Variants in SBNO1 observed in about 807,000 individuals in gnomAD.
SBNO1 encodes the protein strawberry notch homolog 1.
Under a neutral mutation model 173.6 loss-of-function variants are expected in SBNO1, and 23 were observed. The observed-to-expected ratio is 0.13, with a 90% CI of 0.10 to 0.19. The LOEUF is 0.19. SBNO1 is among the 10% of genes least tolerant of loss of function. SBNO1 has a pLI of 1.00. For missense variants in SBNO1, 1,238 were observed against 1,671.2 expected (o/e 0.74, Z 4.52); for synonymous variants, 632 against 571.5 (o/e 1.11, Z -1.51).
At chr12:123,325,445 C>G in intron 15 of SBNO1, 57 bp downstream of exon 15, 1 of 1,243,412 alleles carries the variant, frequency 8.0e-7, no homozygotes, top group Non-Finnish European at 1.2e-6. Flanking sequence ...CACATTGGAA[C>G]TAAGGTAAGG....
chr12:123,291,931 G>T lies in SBNO1; in HGVS notation c.*3977C>A, dbSNP rs1350842377. The T allele has an allele frequency of 6.6e-6, 1 of 151,528 alleles. No homozygotes were observed. The highest frequency in any genetic ancestry group is 2.4e-5 in the African/African-American group (1 of 41,224). 9.4% of individuals were successfully genotyped at this position (151,528 alleles called of 1,614,324 possible). A position where few individuals can be genotyped will look rare whatever the true frequency, so the allele number is the denominator to read the frequency against. ...TATCTCAAGTACTCAAAAAAAAAAT[G>T]CTAGCGAGCTTGAGTTGCAGGTATT... On this transcript the variant is annotated 3_prime_UTR_variant, in exon 32 of 32. Coordinates refer to ENST00000602398, the MANE Select transcript of SBNO1 (RefSeq NM_001167856.3).
In SBNO1 at chr12:123,313,314, T is replaced by A. The variant is rs957745312; in HGVS notation, c.3220+306A>T. 1.1e-4 allele frequency among the ~76,000 whole-genome samples: 17 copies of A among 151,318 alleles called. No individual in the cohort carries two copies. In the East Asian group the frequency reaches 1.7e-3, roughly 15 times the overall value. ...AATAAATAAATAAATAAATAATTTT[T>A]AAAAAAGGCTATTTGGCAAAGTGAT... On this transcript the variant is annotated intron_variant, in intron 24 of 31. Transcript: ENST00000602398.
At chr12:123,324,354 C>T (rs534369067) in intron 15 of SBNO1, among the ~76,000 whole-genome samples, 80 of 150,056 alleles carry the variant, frequency 5.3e-4, no homozygotes, top group African/African-American at 1.9e-3. Context: ...GACCGAGTCT[C>T]TCTGTCACCC....
At chr12:123,297,909 T>C (rs544136860) in intron 31 of SBNO1, 69 bp downstream of exon 31, 2 of 1,400,010 alleles carry the variant, frequency 1.4e-6, no homozygotes, top group East Asian at 2.3e-5. Context: ...AGCTAAGATA[T>C]TAGCAATGAG....
Position 123,362,293 on chromosome 12 carries a change from G to A in SBNO1, c.-1+2408C>T, listed in dbSNP as rs556274848. On this transcript the variant is annotated intron_variant, in intron 1 of 31. Transcript: ENST00000602398. ...CTACTAAAAGTACAAAAAATTAGCC[G>A]GGCGTGGCAGCGGGCACCTGTAATC... is the stretch of plus-strand genomic sequence containing the variant. Among the ~76,000 whole-genome samples, 9 of 151,750 alleles carry A rather than the reference G, an allele frequency of 5.9e-5. No homozygotes were observed. In the East Asian group the frequency reaches 7.8e-4, roughly 13 times the overall value.
intron 8 of SBNO1, 90 bp from the exon 9 acceptor site, chr12:123,330,599 TAAA>T (rs62719360): frequency 0.056 from 27,209 of 488,060 alleles, no homozygotes; most frequent in South Asian, 0.068. Context: ...TCTTGACACT[TAAA>T]AAAAAAAAAA....
In SBNO1 at chr12:123,331,517, CA is replaced by C; in HGVS notation, c.910-143del. On this transcript the variant is annotated intron_variant, in intron 7 of 31. Transcript: ENST00000602398. Reference sequence around the variant, plus strand: ...TGTGACTTTATTTTTACATAAATTTCATAGAGTTTTGGATTTTTTTTTGAGA... The same window carrying C: ...TGTGACTTTATTTTTACATAAATTTCTAGAGTTTTGGATTTTTTTTTGAGA... The C allele has an allele frequency of 9.6e-6, 8 of 832,952 alleles. No homozygotes were observed. In the South Asian group the frequency reaches 1.6e-4, roughly 17 times the overall value. The allele number at this position is 832,952 out of a possible 1,614,324, so 51.6% of individuals were successfully genotyped here. A position where few individuals can be genotyped will look rare whatever the true frequency, so the allele number is the denominator to read the frequency against.
intron 31 of SBNO1, among the ~76,000 whole-genome samples, chr12:123,296,703 G>C (rs1367982801): frequency 1.3e-5 from 2 of 151,586 alleles, no homozygotes; most frequent in African/African-American, 4.8e-5. Flanking sequence ...TGAGACTACA[G>C]GCACCTGCCA....
intron 28 of SBNO1, among the ~76,000 whole-genome samples, chr12:123,306,702 G>A (rs933810086): frequency 6.6e-6 from 1 of 152,006 alleles, no homozygotes; most frequent in Non-Finnish European, 1.5e-5. Flanking sequence ...AATCAAAATT[G>A]CATCTATGGG....
Position 123,323,824 on chromosome 12 carries a change from A to G in SBNO1, c.1981T>C (p.Leu661=), listed in dbSNP as rs986760016. The G allele has an allele frequency of 1.2e-6, 2 of 1,608,238 alleles. No individual in the cohort carries two copies. The highest frequency in any genetic ancestry group is 1.7e-5 in the Admixed American group (1 of 58,626). The change falls in exon 16 of 32, where the codon TTG becomes CTG. Residue 661 remains leucine (L), a synonymous_variant. Coordinates refer to ENST00000602398, the MANE Select transcript of SBNO1 (RefSeq NM_001167856.3). Reference sequence around the variant, plus strand: ...AAATGTTTTTCAATGAGTGACTGCAACACACCTCTGTAGGAGAGAAACAGT... The same window carrying G: ...AAATGTTTTTCAATGAGTGACTGCAGCACACCTCTGTAGGAGAGAAACAGT... ...NDFVSTAKGV[L]QSLIEKHFPA...
At chr12:123,351,849 C>T (rs1366022607) in intron 1 of SBNO1, among the ~76,000 whole-genome samples, 1 of 151,690 alleles carries the variant, frequency 6.6e-6, no homozygotes, top group Admixed American at 6.6e-5. Context: ...AGAATGGAAG[C>T]GAGAATATGA....
In SBNO1 at chr12:123,295,910, A is replaced by G. The variant is rs2048584671; in HGVS notation, c.4180T>C (p.Ter1394ArgextTer11). 6.2e-7 allele frequency: 1 copy of G among 1,613,566 alleles called. No homozygotes were observed. Among genetic ancestry groups the G allele is most frequent in the Non-Finnish European group, 8.5e-7 (1 of 1,179,632 alleles). The change falls in exon 32 of 32, where the codon TGA (stop) becomes CGA (arginine). Residue 1394 changes from the stop codon to arginine (R), a stop_lost. Transcript: ENST00000602398. ...PQSITNLSNA[*>R] The stretch of plus-strand genomic sequence containing the variant: ...CCATGTTGAAACCTGTCTGTTCTTC[A>G]TGCGTTGCTCAAGTTGGTGATGCTC...
intron 3 of SBNO1, among the ~76,000 whole-genome samples, chr12:123,345,836 A>T (rs907656935): frequency 6.6e-6 from 1 of 151,722 alleles, no homozygotes; most frequent in South Asian, 2.1e-4. Context: ...TGCCCGGCAA[A>T]TTTTTTTTAG....
At chr12:123,356,317 ATG>A (rs199546079) in intron 1 of SBNO1, among the ~76,000 whole-genome samples, 4 of 151,970 alleles carry the variant, frequency 2.6e-5, no homozygotes, top group African/African-American at 9.6e-5. Context: ...ATTTATATAT[ATG>A]TTAGTATTTC....
intron 29 of SBNO1, among the ~76,000 whole-genome samples, chr12:123,304,205 A>G (rs1394440557): frequency 1.3e-5 from 2 of 152,080 alleles, no homozygotes; most frequent in East Asian, 1.9e-4. Flanking sequence ...TACTAAGATT[A>G]CAGGCGTGAG....
chr12:123,311,543 C>T (rs1213621748), intron 24 of SBNO1, among the ~76,000 whole-genome samples: 3 of 151,656 alleles, frequency 2.0e-5, no homozygotes, highest in Non-Finnish European at 2.9e-5. Flanking sequence ...TTAGTAGAGT[C>T]GGGGTTTCGC....
intron 29 of SBNO1, among the ~76,000 whole-genome samples, chr12:123,303,302 T>G (rs1169494702): frequency 6.6e-6 from 1 of 152,230 alleles, no homozygotes; most frequent in Non-Finnish European, 1.5e-5. Flanking sequence ...ATTCTAACTT[T>G]TGTGATTAGC....
chr12:123,297,275 A>G (rs1040236260), intron 31 of SBNO1, among the ~76,000 whole-genome samples: 4 of 137,040 alleles, frequency 2.9e-5, no homozygotes, highest in African/African-American at 8.1e-5. Context: ...GGTTGCAGTG[A>G]GCCGGGAGCA....
intron 13 of SBNO1, among the ~76,000 whole-genome samples, chr12:123,327,092 G>A (rs554359727): frequency 2.0e-5 from 3 of 152,162 alleles, no homozygotes; most frequent in South Asian, 4.2e-4. Context: ...AGCAACCTCC[G>A]CCTCCTGGGT....
Sources: gnomAD v4.1 joint callset for allele counts (sites outside exome capture counted in the v4.1 genomes callset) on GRCh38, gnomAD v4.1.1 for gene constraint, MANE v1.5 for transcripts, NCBI Gene and HGNC (gene_info 2026-07-23, HGNC 2026-07-21) for gene names.